Variants in LAMA2 observed in about 807,000 individuals in gnomAD.
LAMA2 encodes laminin subunit alpha 2.
In LAMA2, 269 loss-of-function variants were observed where a neutral mutation model predicts 364.8. That is an observed-to-expected ratio of 0.74 (90% CI 0.67 to 0.82). The LOEUF is 0.82. Ranked by LOEUF, LAMA2 falls within the 40% of genes least tolerant of loss-of-function variation. The pLI, the probability that LAMA2 is intolerant of heterozygous loss-of-function variation, is 0.00. For missense variants in LAMA2, 3,807 were observed against 3,873.2 expected (o/e 0.98, Z 0.45); for synonymous variants, 1,379 against 1,370.6 (o/e 1.01, Z -0.14).
intron 22 of LAMA2, among the ~76,000 whole-genome samples, chr6:129,312,111 A>G (rs1774262992): frequency 6.6e-6 from 1 of 151,868 alleles, no homozygotes; most frequent in Non-Finnish European, 1.5e-5. Context: ...AAACACAATT[A>G]TGTTCCCAAA....
At chr6:129,483,175 T>TA (rs1784434557) in intron 55 of LAMA2, among the ~76,000 whole-genome samples, 2 of 151,672 alleles carry the variant, frequency 1.3e-5, no homozygotes, top group Non-Finnish European at 2.9e-5. Flanking sequence ...TCATGATTTT[T>TA]AAAAAATACT....
chr6:129,199,035 A>G (rs141660649), intron 12 of LAMA2, among the ~76,000 whole-genome samples: 158 of 152,252 alleles, frequency 1.0e-3, no homozygotes, highest in Admixed American at 1.6e-3. Context: ...TAAAATCTTG[A>G]CAAGAGGACT....
intron 51 of LAMA2, among the ~76,000 whole-genome samples, chr6:129,468,612 T>C (rs1783659117): frequency 6.6e-6 from 1 of 151,938 alleles, no homozygotes; most frequent in Non-Finnish European, 1.5e-5. Flanking sequence ...TCTCAATAGA[T>C]GACAAGCATA....
intron 22 of LAMA2, 92 bp from the exon 23 acceptor site, chr6:129,312,769 G>T: frequency 1.1e-6 from 1 of 879,412 alleles, no homozygotes. Flanking sequence ...ATTAATATGT[G>T]TTTAATGGAA....
chr6:129,123,230 G>A (rs986193155), intron 4 of LAMA2, among the ~76,000 whole-genome samples: 8 of 151,586 alleles, frequency 5.3e-5, no homozygotes, highest in East Asian at 1.9e-4. Context: ...TGTGTGAACC[G>A]GGCAGGCAGA....
chr6:129,445,876 A>T (rs1782345040), intron 45 of LAMA2, 55 bp downstream of exon 45: 1 of 1,496,762 alleles, frequency 6.7e-7, no homozygotes, highest in African/African-American at 1.4e-5. Context: ...TGGATTATTC[A>T]TAGAGGGAAT....
rs559112018 is a variant in LAMA2 at position 129,186,809 on chromosome 6, G to A, written c.1468-3396G>A. Among the ~76,000 whole-genome samples the A allele has an allele frequency of 5.3e-5, 8 of 151,656 alleles. No individual in the cohort carries two copies. The South Asian group carries it at 8.3e-4, about 16-fold the overall frequency. ...TCAGAAAGTACATAGGGAAACTATCGTGACTCTATTTCTCCAAGTAGAAAC... is the reference window on the plus strand; with the variant it reads ...TCAGAAAGTACATAGGGAAACTATCATGACTCTATTTCTCCAAGTAGAAAC... On this transcript the variant is annotated intron_variant, in intron 10 of 64. Coordinates refer to ENST00000421865, the MANE Select transcript of LAMA2 (RefSeq NM_000426.4).
chr6:129,382,005 T>C (rs1024996542), intron 34 of LAMA2, among the ~76,000 whole-genome samples: 4 of 152,196 alleles, frequency 2.6e-5, no homozygotes, highest in Non-Finnish European at 5.9e-5. Context: ...TCTTTTACCA[T>C]GTTCTGTGCT....
intron 56 of LAMA2, among the ~76,000 whole-genome samples, chr6:129,489,395 T>C (rs1784750021): frequency 6.6e-6 from 1 of 152,122 alleles, no homozygotes; most frequent in Non-Finnish European, 1.5e-5. Context: ...TTTAGTCACT[T>C]TGGTATCTAA....
intron 1 of LAMA2, chr6:128,929,071 G>A (rs1171246020): frequency 5.5e-6 from 8 of 1,454,660 alleles, no homozygotes; most frequent in Non-Finnish European, 7.7e-6. Flanking sequence ...GGCTAATGTG[G>A]TCATCCAGAA....
chr6:129,406,429 T>C (rs767343810), intron 40 of LAMA2, among the ~76,000 whole-genome samples: 6 of 152,220 alleles, frequency 3.9e-5, no homozygotes, highest in Non-Finnish European at 8.8e-5. Context: ...TATTTTTCTA[T>C]TGGTGTCGGG....
At chr6:129,031,901 C>T (rs1224430996) in intron 1 of LAMA2, among the ~76,000 whole-genome samples, 2 of 152,110 alleles carry the variant, frequency 1.3e-5, no homozygotes, top group Non-Finnish European at 2.9e-5. Flanking sequence ...TCTCTGCAAC[C>T]TCTACCTCCT....
At position 129,409,968 on chromosome 6, in the gene LAMA2, G is replaced by A. The variant is rs541407232; in HGVS notation, c.5865+6009G>A. ...CACAGTGAATGAATAGATTTTCTAT[G>A]ACGTTGACTCCTTGGAATGACCACC... is the stretch of plus-strand genomic sequence containing the variant. On this transcript the variant is annotated intron_variant, in intron 40 of 64. Transcript: ENST00000421865. Among the ~76,000 whole-genome samples the A allele has an allele frequency of 2.0e-5, 3 of 152,216 alleles. No homozygotes were observed. The East Asian group carries it at 5.8e-4, about 29-fold the overall frequency.
intron 1 of LAMA2, among the ~76,000 whole-genome samples, chr6:128,968,392 A>G (rs1480051703): frequency 6.6e-6 from 1 of 152,226 alleles, no homozygotes; most frequent in Non-Finnish European, 1.5e-5. Flanking sequence ...CATTCTTATG[A>G]TGTTTTTATT....
At position 129,456,509 on chromosome 6, in the gene LAMA2, C is replaced by T; in HGVS notation, c.6867+15C>T. The T allele has an allele frequency of 6.2e-7, 1 of 1,607,542 alleles. No homozygotes were observed. Among genetic ancestry groups the T allele is most frequent in the African/African-American group, 1.3e-5 (1 of 74,820 alleles). ...GGAAATTAAAGGTAATGTGTTCATC[C>T]TCCTCCTGTTTATTTCATCTTTGTT... On this transcript the variant is annotated intron_variant, in intron 48 of 64. Coordinates refer to ENST00000421865, the MANE Select transcript of LAMA2 (RefSeq NM_000426.4).
In LAMA2 at chr6:129,109,011, T is replaced by C. The variant is rs113706056; in HGVS notation, c.639+10596T>C. Among the ~76,000 whole-genome samples the C allele has an allele frequency of 5.8e-3, 880 of 152,290 alleles. 10 individuals carry two copies. Among genetic ancestry groups the C allele is most frequent in the African/African-American group, 0.02 (846 of 41,544 alleles). ...TTTAAATATTAATTTGCATCCATTA[T>C]AACATTACTATTTGAATTTAACTTC... On this transcript the variant is annotated intron_variant, in intron 4 of 64. Transcript: ENST00000421865.
In LAMA2 at chr6:129,287,847, G is replaced by A; in HGVS notation, c.2538G>A (p.Arg846=). 6.2e-7 allele frequency: 1 copy of A among 1,613,640 alleles called. No homozygotes were observed. Among genetic ancestry groups the A allele is most frequent in the Non-Finnish European group, 8.5e-7 (1 of 1,179,664 alleles). ...PVGYTGPRCE[R]CAEGYFGQPS... ...TCACTGATGAAATTTCTTGCCTTAG[G>A]TGTGCAGAAGGCTATTTTGGACAAC... The change falls in exon 19 of 65, where the codon AGG becomes AGA. Residue 846 remains arginine (R), a splice_region_variant and synonymous_variant. Coordinates refer to ENST00000421865, the MANE Select transcript of LAMA2 (RefSeq NM_000426.4).
intron 4 of LAMA2, among the ~76,000 whole-genome samples, chr6:129,137,328 A>G (rs1261817245): frequency 1.3e-5 from 2 of 152,080 alleles, no homozygotes; most frequent in South Asian, 2.1e-4. Context: ...GAAAATGAGG[A>G]CTTTCCAGTT....
At chr6:129,265,720 TG>T (rs1352456416) in intron 15 of LAMA2, among the ~76,000 whole-genome samples, 2 of 106,654 alleles carry the variant, frequency 1.9e-5, no homozygotes, top group East Asian at 5.5e-4. Context: ...TGTCGGAGGG[TG>T]GGGGGCTAGG....
Sources: allele counts gnomAD v4.1 joint callset (sites outside exome capture counted in the v4.1 genomes callset), GRCh38; gene constraint gnomAD v4.1.1; transcripts MANE v1.5; gene names NCBI Gene and HGNC (gene_info 2026-07-23, HGNC 2026-07-21).